The following NKAIN3 variants were observed in gnomAD, a reference collection of about 807,000 sequenced individuals.
NKAIN3 encodes sodium/potassium-transporting ATPase subunit beta-1-interacting protein 3.
NKAIN3 carries 25 observed loss-of-function variants against 30.2 expected under a neutral mutation model. The observed-to-expected ratio is 0.83, with a 90% CI of 0.60 to 1.16. NKAIN3 has a LOEUF of 1.16. Ranked by LOEUF, NKAIN3 falls within the 50% of genes most tolerant of loss-of-function variation. The probability of loss-of-function intolerance (pLI) is 0.00; values close to 1 mark genes in which losing one functional copy is unlikely to be tolerated. For synonymous variants in NKAIN3, 91 were observed against 89.6 expected (o/e 1.02, Z -0.09); for missense variants, 225 against 254.1 (o/e 0.89, Z 0.78).
At chr8:62,474,238 G>A (rs935422187) in intron 1 of NKAIN3, 2 of 152,220 alleles carry the variant, frequency 1.3e-5, no homozygotes, top group Non-Finnish European at 2.9e-5. Flanking sequence ...CCTTAAAGAT[G>A]TTGAAGCACA....
intron 3 of NKAIN3, among the ~76,000 whole-genome samples, chr8:62,681,114 T>A (rs548902098): frequency 6.6e-6 from 1 of 152,334 alleles, no homozygotes; most frequent in South Asian, 2.1e-4. Context: ...TCCCACTTGA[T>A]TAGAGCAACC....
At chr8:62,582,764 T>C (rs902714080) in intron 2 of NKAIN3, among the ~76,000 whole-genome samples, 1 of 152,116 alleles carries the variant, frequency 6.6e-6, no homozygotes, top group Non-Finnish European at 1.5e-5. Flanking sequence ...GCACTAACCA[T>C]GTAAGGAGTG....
chr8:62,654,490 A>G (rs912591838), intron 3 of NKAIN3, among the ~76,000 whole-genome samples: 3 of 152,258 alleles, frequency 2.0e-5, no homozygotes, highest in Non-Finnish European at 2.9e-5. Flanking sequence ...AGCAGTTGGG[A>G]CAAGAAGATG....
chr8:62,580,578 A>T (rs532134747), intron 2 of NKAIN3, among the ~76,000 whole-genome samples: 1 of 152,168 alleles, frequency 6.6e-6, no homozygotes, highest in East Asian at 1.9e-4. Flanking sequence ...TTCCATTTTG[A>T]CATAATCTAA....
At chr8:62,579,805 A>C in intron 2 of NKAIN3, 129 bp downstream of exon 2, 1 of 471,746 alleles carries the variant, frequency 2.1e-6, no homozygotes, top group Middle Eastern at 5.8e-4. Context: ...TCAAATGTTA[A>C]ATTTTGTTAA....
chr8:62,656,552 TAGGCC>T (rs1812770602), intron 3 of NKAIN3, among the ~76,000 whole-genome samples: 1 of 152,288 alleles, frequency 6.6e-6, no homozygotes, highest in African/African-American at 2.4e-5. Context: ...TTCTGTGGCT[TAGGCC>T]AACTAGTCTT....
At chr8:62,956,863 T>C (rs747932206) in intron 6 of NKAIN3, among the ~76,000 whole-genome samples, 7 of 152,152 alleles carry the variant, frequency 4.6e-5, no homozygotes, top group Non-Finnish European at 8.8e-5. Flanking sequence ...ACAATATTTA[T>C]CCCCAAGGAA....
At position 62,753,794 on chromosome 8, in the gene NKAIN3, A is replaced by G. The variant is rs567636547; in HGVS notation, c.471+6665A>G. 2.3e-3 allele frequency among the ~76,000 whole-genome samples: 350 copies of G among 152,244 alleles called. 1 individual carries two copies. The highest frequency in any genetic ancestry group is 8.1e-3 in the African/African-American group (336 of 41,582). ...CTTCTAAGAAAATAATTCAACAGAAAGAAACAGCTACCTGCATTATGTTCA... is the reference window on the plus strand; with the variant it reads ...CTTCTAAGAAAATAATTCAACAGAAGGAAACAGCTACCTGCATTATGTTCA... On this transcript the variant is annotated intron_variant, in intron 4 of 6. Coordinates refer to ENST00000623646, the MANE Select transcript of NKAIN3 (RefSeq NM_001304533.3).
chr8:62,389,073 C>T (rs960412341), intron 1 of NKAIN3, among the ~76,000 whole-genome samples: 5 of 152,044 alleles, frequency 3.3e-5, no homozygotes, highest in African/African-American at 4.8e-5. Flanking sequence ...AGCCTGTCTG[C>T]ATGGAGGTCC....
At chr8:62,751,118 C>T (rs952151299) in intron 4 of NKAIN3, among the ~76,000 whole-genome samples, 22 of 152,108 alleles carry the variant, frequency 1.4e-4, no homozygotes, top group Non-Finnish European at 2.9e-4. Context: ...CCTGCGCCAG[C>T]CTAACTCCCA....
chr8:62,917,526 A>G (rs1260373642), intron 4 of NKAIN3, among the ~76,000 whole-genome samples: 4 of 152,216 alleles, frequency 2.6e-5, no homozygotes, highest in Non-Finnish European at 5.9e-5. Flanking sequence ...TCACATGGGC[A>G]GTCAAAAGCC....
chr8:62,636,346 G>A (rs1812127548), intron 3 of NKAIN3, among the ~76,000 whole-genome samples: 1 of 152,094 alleles, frequency 6.6e-6, no homozygotes, highest in South Asian at 2.1e-4. Flanking sequence ...AGCCTGTGAA[G>A]ACTTACATAC....
chr8:62,887,621 T>C (rs901191922), intron 4 of NKAIN3, among the ~76,000 whole-genome samples: 3 of 152,180 alleles, frequency 2.0e-5, no homozygotes, highest in Admixed American at 6.6e-5. Flanking sequence ...TCTGTTGATA[T>C]ATGCGCAAGC....
chr8:62,746,102 T>C (rs759537936), intron 3 of NKAIN3, among the ~76,000 whole-genome samples: 1 of 152,230 alleles, frequency 6.6e-6, no homozygotes, highest in Non-Finnish European at 1.5e-5. Flanking sequence ...CTGAGCTGAA[T>C]TCAAGGTCTT....
Position 62,798,795 on chromosome 8 carries a change from A to G in NKAIN3, c.471+51666A>G, listed in dbSNP as rs1817956195. On this transcript the variant is annotated intron_variant, in intron 4 of 6. Coordinates refer to ENST00000623646, the MANE Select transcript of NKAIN3 (RefSeq NM_001304533.3). ...CAACACATAGCCCTAGCACACTAAT[A>G]CACATAGCAATTAAGAATTTGGAAG... 1.3e-5 allele frequency among the ~76,000 whole-genome samples: 2 copies of G among 152,192 alleles called. 1 individual carries two copies. Among genetic ancestry groups the G allele is most frequent in the Admixed American group, 1.3e-4 (2 of 15,276 alleles).
chr8:62,897,095 G>T (rs1376165146), intron 4 of NKAIN3, among the ~76,000 whole-genome samples: 1 of 152,230 alleles, frequency 6.6e-6, no homozygotes, highest in African/African-American at 2.4e-5. Flanking sequence ...AAACTCAATA[G>T]AGCAACAGAA....
chr8:62,681,035 G>A (rs1188462187), intron 3 of NKAIN3, among the ~76,000 whole-genome samples: 4 of 152,082 alleles, frequency 2.6e-5, no homozygotes, highest in African/African-American at 9.7e-5. Flanking sequence ...ATTTCAATAA[G>A]GGAGAACAGC....
chr8:62,979,484 C>T lies in NKAIN3; in HGVS notation c.*14077C>T, dbSNP rs1403815125. On this transcript the variant is annotated 3_prime_UTR_variant, in exon 7 of 7. Coordinates refer to ENST00000623646, the MANE Select transcript of NKAIN3 (RefSeq NM_001304533.3). ...TACCCTTTTCTAAATAATCACGTTGCTAAAATGTGCCACATGGCCCATTTC... is the reference window on the plus strand; with the variant it reads ...TACCCTTTTCTAAATAATCACGTTGTTAAAATGTGCCACATGGCCCATTTC... The T allele has an allele frequency of 6.6e-6, 1 of 152,152 alleles. No individual in the cohort carries two copies. Among genetic ancestry groups the T allele is most frequent in the Non-Finnish European group, 1.5e-5 (1 of 68,026 alleles). The allele number at this position is 152,152 out of a possible 1,614,324, so 9.4% of individuals were successfully genotyped here. A position where few individuals can be genotyped will look rare whatever the true frequency, so the allele number is the denominator to read the frequency against.
At chr8:62,612,377 T>C (rs1483716757) in intron 3 of NKAIN3, among the ~76,000 whole-genome samples, 1 of 152,062 alleles carries the variant, frequency 6.6e-6, no homozygotes, top group East Asian at 1.9e-4. Context: ...ACCCTCTTTG[T>C]CACTCCCTAT....
Sources: gnomAD v4.1 joint callset for allele counts (sites outside exome capture counted in the v4.1 genomes callset) on GRCh38, gnomAD v4.1.1 for gene constraint, MANE v1.5 for transcripts, NCBI Gene and HGNC (gene_info 2026-07-23, HGNC 2026-07-21) for gene names.